The following GPN2 variants were observed in gnomAD, a reference collection of about 807,000 sequenced individuals.
GPN2 encodes GPN-loop GTPase 2.
A neutral mutation model predicts 30.1 loss-of-function variants in GPN2; 27 were observed. The ratio of observed to expected loss-of-function variants is 0.90; its 90% confidence interval spans 0.66 to 1.24. The LOEUF is 1.24. GPN2 is among the 50% of genes most tolerant of loss of function. The pLI, the probability that GPN2 is intolerant of heterozygous loss-of-function variation, is 0.00. For synonymous variants in GPN2, 212 were observed against 174.4 expected (o/e 1.22, Z -1.70); for missense variants, 406 against 405.4 (o/e 1.00, Z -0.01).
At chr1:26,886,820 A>G (rs1023685206) in intron 2 of GPN2, among the ~76,000 whole-genome samples, 1 of 151,442 alleles carries the variant, frequency 6.6e-6, no homozygotes, top group Non-Finnish European at 1.5e-5. Context: ...TCCGTCTCAA[A>G]AAAAAAGAAA....
intron 3 of GPN2, among the ~76,000 whole-genome samples, chr1:26,885,350 G>A (rs2081885093): frequency 6.6e-6 from 1 of 152,108 alleles, no homozygotes; most frequent in Admixed American, 6.6e-5. Context: ...CCAGTTGAAA[G>A]GGCTTAAGAG....
rs758612318 is a variant in GPN2 at position 26,879,740 on chromosome 1, G to T, written c.870C>A (p.Gly290=). The T allele has an allele frequency of 3.1e-6, 5 of 1,613,080 alleles. No individual in the cohort carries two copies. In the East Asian group the frequency reaches 1.1e-4, roughly 36 times the overall value. Residue 290 remains glycine (G), a synonymous_variant, in exon 5 of 5, where the codon GGC becomes GGA. Transcript: ENST00000374135. ...AGGGTGCCAGGTACTTCTCCTGGAT[G>T]CCCAGTGTGCTGAGGAAGGGTGCGT... is the stretch of plus-strand genomic sequence containing the variant. The part of the protein sequence containing the change: ...GADFHFSSTL[G]IQEKYLAPSN...
chr1:26,885,576 C>A (rs2081886193), intron 3 of GPN2, among the ~76,000 whole-genome samples: 1 of 148,964 alleles, frequency 6.7e-6, no homozygotes, highest in Non-Finnish European at 1.5e-5. Context: ...GCAAAGACCA[C>A]TCTTTTTTTT....
intron 2 of GPN2, among the ~76,000 whole-genome samples, chr1:26,887,046 A>T (rs2081894712): frequency 1.3e-5 from 2 of 151,832 alleles, no homozygotes; most frequent in South Asian, 4.2e-4. Context: ...GTATGTACCA[A>T]GAACTGTGCA....
At chr1:26,887,179 T>C (rs564527053) in intron 2 of GPN2, among the ~76,000 whole-genome samples, 24 of 152,294 alleles carry the variant, frequency 1.6e-4, no homozygotes, top group African/African-American at 5.8e-4. Flanking sequence ...GGTAGCCTCC[T>C]GGGTAAATCA....
At position 26,878,090 on chromosome 1, in the gene GPN2, C is replaced by A. The variant is rs780520625; in HGVS notation, c.*1587G>T. 6.6e-6 allele frequency: 1 copy of A among 152,128 alleles called. No homozygotes were observed. The highest frequency in any genetic ancestry group is 1.5e-5 in the Non-Finnish European group (1 of 68,034). The allele number at this position is 152,128 out of a possible 1,614,324, so 9.4% of individuals were successfully genotyped here. A position where few individuals can be genotyped will look rare whatever the true frequency, so the allele number is the denominator to read the frequency against. On this transcript the variant is annotated 3_prime_UTR_variant, in exon 5 of 5. Coordinates refer to ENST00000374135, the MANE Select transcript of GPN2 (RefSeq NM_018066.4). ...ACTTGGCATAACAGTCTTGCCCAAG[C>A]CATCAGTCCTGCCCCTTCTGCCACC...
intron 2 of GPN2, 98 bp downstream of exon 2, chr1:26,888,871 C>A: frequency 3.3e-6 from 4 of 1,204,600 alleles, no homozygotes; most frequent in Non-Finnish European, 4.9e-6. Context: ...TATCACCAGA[C>A]CACGCAAGGC....
Position 26,889,021 on chromosome 1 carries a change from G to T in GPN2, c.516C>A (p.Pro172=), listed in dbSNP as rs1166269921. Residue 172 remains proline, a synonymous_variant, in exon 2 of 5, where the codon CCC becomes CCA. Coordinates refer to ENST00000374135, the MANE Select transcript of GPN2 (RefSeq NM_018066.4). ...CCATCTTGGAAAGGAGGTTGATGTG[G>T]GGCAGTTCCACGTGCAGCATGGTGG... is the stretch of plus-strand genomic sequence containing the variant. ...SLATMLHVEL[P]HINLLSKMDL... 6.2e-7 allele frequency: 1 copy of T among 1,614,176 alleles called. No homozygotes were observed. The highest frequency in any genetic ancestry group is 8.5e-7 in the Non-Finnish European group (1 of 1,179,970).
Position 26,890,146 on chromosome 1 carries a change from G to A in GPN2, c.-50C>T, listed in dbSNP as rs1249509335. ...TCAACTCACAGGGAAAACGGGGCAG[G>A]TAGCCGCGCCGGAGACGAGACTGAG... is the stretch of plus-strand genomic sequence containing the variant. On this transcript the variant is annotated 5_prime_UTR_variant, in exon 1 of 5. Transcript: ENST00000374135. 2.1e-6 allele frequency: 3 copies of A among 1,436,324 alleles called. No homozygotes were observed. The highest frequency in any genetic ancestry group is 2.9e-5 in the African/African-American group (2 of 69,612). The allele number at this position is 1,436,324 out of a possible 1,614,324, so 89.0% of individuals were successfully genotyped here.
rs1255150017 is a variant in GPN2, at chr1:26,889,008, G to T, written c.529C>A (p.Leu177Ile). The T allele has an allele frequency of 7.4e-6, 12 of 1,614,128 alleles. 1 individual carries two copies. Among genetic ancestry groups the T allele is most frequent in the African/African-American group, 1.3e-5 (1 of 74,952 alleles). ...LHVELPHINL[L>I]SKMDLIEHYG... The stretch of plus-strand genomic sequence containing the variant: ...TGCTCAATGAGGTCCATCTTGGAAA[G>T]GAGGTTGATGTGGGGCAGTTCCACG... Residue 177 changes from leucine to isoleucine, a missense_variant, in exon 2 of 5, where the codon CTT (leucine) becomes ATT (isoleucine). By Grantham distance (5) the Leu-to-Ile change is conservative. Coordinates refer to ENST00000374135, the MANE Select transcript of GPN2 (RefSeq NM_018066.4).
In GPN2 at chr1:26,878,274, T is replaced by A. The variant is rs1247148549; in HGVS notation, c.*1403A>T. The A allele has an allele frequency of 6.6e-6, 1 of 152,178 alleles. No homozygotes were observed. Among genetic ancestry groups the A allele is most frequent in the East Asian group, 1.9e-4 (1 of 5,192 alleles). The allele number at this position is 152,178 out of a possible 1,614,324, so 9.4% of individuals were successfully genotyped here. A position where few individuals can be genotyped will look rare whatever the true frequency, so the allele number is the denominator to read the frequency against. ...CTGCCATATTATATAATTAATATTT[T>A]TCTTTACACAACTTACTATTTTTTT... On this transcript the variant is annotated 3_prime_UTR_variant, in exon 5 of 5. Transcript: ENST00000374135.
In GPN2 at chr1:26,883,858, G is replaced by A. The variant is rs558592156; in HGVS notation, c.860+302C>T. ...GATCAAGACCATCCTGGCCAACACA[G>A]TGAAACCCCGTCTCTACTAAAAATA... On this transcript the variant is annotated intron_variant, in intron 4 of 4. Transcript: ENST00000374135. Among the ~76,000 whole-genome samples, 14 of 151,954 alleles carry A rather than the reference G, an allele frequency of 9.2e-5. No homozygotes were observed. In the South Asian group the frequency reaches 2.9e-3, roughly 32 times the overall value.
At chr1:26,886,352 G>A in intron 2 of GPN2, 4 of 604,928 alleles carry the variant, frequency 6.6e-6, no homozygotes, top group South Asian at 6.3e-5. Flanking sequence ...CTGTTATGAA[G>A]ATTAAATGCT....
At chr1:26,888,846 C>A in intron 2 of GPN2, 123 bp downstream of exon 2, 1 of 893,562 alleles carries the variant, frequency 1.1e-6, no homozygotes, top group Non-Finnish European at 1.8e-6. Context: ...GGAGTTAGAA[C>A]CTGCCTGTGG....
chr1:26,889,032 C>A lies in GPN2; in HGVS notation c.505G>T (p.Val169Leu), dbSNP rs758414818. ...LCTSLATMLH[V>L]ELPHINLLSK... ...AGGAGGTTGATGTGGGGCAGTTCCA[C>A]GTGCAGCATGGTGGCCAGGGAGGTA... Residue 169 changes from valine (V) to leucine (L), a missense_variant, in exon 2 of 5, where the codon GTG becomes TTG. Transcript: ENST00000374135. 15 of 1,614,160 alleles carry A rather than the reference C, an allele frequency of 9.3e-6. No individual in the cohort carries two copies. In the South Asian group the frequency reaches 1.4e-4, roughly 15 times the overall value.
At position 26,879,702 on chromosome 1, in the gene GPN2, A is replaced by G. The variant is rs533476697; in HGVS notation, c.908T>C (p.Val303Ala). 1 of 1,613,828 alleles carries G rather than the reference A, an allele frequency of 6.2e-7. No individual in the cohort carries two copies. Among genetic ancestry groups the G allele is most frequent in the East Asian group, 2.2e-5 (1 of 44,876 alleles). Residue 303 changes from valine (V) to alanine (A), a missense_variant, in exon 5 of 5, where the codon GTG (valine) becomes GCG (alanine). Coordinates refer to ENST00000374135, the MANE Select transcript of GPN2 (RefSeq NM_018066.4). ...CTACAGCTGCATGGCTTCCTGCTCCACTGACTGGTTCGAGGGTGCCAGGTA... is the reference window on the plus strand; with the variant it reads ...CTACAGCTGCATGGCTTCCTGCTCCGCTGACTGGTTCGAGGGTGCCAGGTA... The part of the protein sequence containing the change: ...EKYLAPSNQS[V>A]EQEAMQL
intron 3 of GPN2, among the ~76,000 whole-genome samples, chr1:26,885,179 C>A (rs1159782388): frequency 6.6e-6 from 1 of 152,156 alleles, no homozygotes; most frequent in Non-Finnish European, 1.5e-5. Flanking sequence ...CTCCTCATAT[C>A]AGAAGAGTGT....
Position 26,886,619 on chromosome 1 carries a change from C to T in GPN2, c.569-486G>A, listed in dbSNP as rs1046243810. On this transcript the variant is annotated intron_variant, in intron 2 of 4. Transcript: ENST00000374135. ...GGATCACAAGGTCAGGAGATCGAGA[C>T]CATCCTGGCTAACACGATGAAACCC... 1.2e-4 allele frequency: 44 copies of T among 364,994 alleles called. No homozygotes were observed. The Admixed American group carries it at 1.4e-3, about 12-fold the overall frequency. The allele number at this position is 364,994 out of a possible 1,614,324, so 22.6% of individuals were successfully genotyped here.
In GPN2 at chr1:26,889,920, G is replaced by A; in HGVS notation, c.177C>T (p.Asp59=). Residue 59 remains aspartate, a synonymous_variant, in exon 1 of 5, where the codon GAC becomes GAT. Coordinates refer to ENST00000374135, the MANE Select transcript of GPN2 (RefSeq NM_018066.4). ...CGCCCAGCCCCACCAGCTCGCCCACGTCCACGGCACACTCGTACGGCAGCC... is the reference window on the plus strand; with the variant it reads ...CGCCCAGCCCCACCAGCTCGCCCACATCCACGGCACACTCGTACGGCAGCC... ...NEGLPYECAV[D]VGELVGLGDV... is the part of the protein sequence containing the mutation. 2 of 1,610,352 alleles carry A rather than the reference G, an allele frequency of 1.2e-6. No individual in the cohort carries two copies. Among genetic ancestry groups the A allele is most frequent in the Non-Finnish European group, 1.7e-6 (2 of 1,178,986 alleles).
Sources: allele counts gnomAD v4.1 joint callset (sites outside exome capture counted in the v4.1 genomes callset), GRCh38; gene constraint gnomAD v4.1.1; transcripts MANE v1.5; gene names NCBI Gene and HGNC (gene_info 2026-07-23, HGNC 2026-07-21).